The following CYP4F3 variants were observed in gnomAD, a reference collection of about 807,000 sequenced individuals.
CYP4F3 encodes the protein cytochrome P450 family 4 subfamily F member 3.
CYP4F3 carries 50 observed loss-of-function variants against 54.8 expected under a neutral mutation model. That is an observed-to-expected ratio of 0.91 (90% CI 0.73 to 1.16). CYP4F3 has a LOEUF of 1.16. Ranked by LOEUF, CYP4F3 falls within the 50% of genes most tolerant of loss-of-function variation. CYP4F3 has a pLI of 0.00. For missense variants in CYP4F3, 715 were observed against 676.2 expected, an observed-to-expected ratio of 1.06 and a Z score of -0.64; for synonymous variants, 244 against 262.6, an observed-to-expected ratio of 0.93 and a Z score of 0.69.
chr19:15,650,045 C>A lies in CYP4F3; in HGVS notation c.780C>A (p.Cys260Ter), dbSNP rs745317194. ...TPDGQRFRRA[C>*]RLVHDFTDAV... is the part of the protein sequence containing the mutation. ...ATGGGCAGCGTTTCCGCAGGGCCTG[C>A]CGCCTGGTGCACGACTTCACAGATG... Residue 260 changes from cysteine to a stop codon, truncating the protein, a stop_gained, in exon 7 of 13, where the codon TGC becomes TGA. Coordinates refer to ENST00000221307, the MANE Select transcript of CYP4F3 (RefSeq NM_000896.3). LOFTEE classifies it high-confidence loss of function. 3.8e-5 allele frequency: 61 copies of A among 1,614,098 alleles called. No individual in the cohort carries two copies. The Admixed American group carries it at 9.7e-4, about 26-fold the overall frequency.
intron 9 of CYP4F3, among the ~76,000 whole-genome samples, chr19:15,654,665 T>C (rs538001727): frequency 5.3e-5 from 8 of 152,238 alleles, no homozygotes; most frequent in Non-Finnish European, 1.0e-4. Context: ...GTTCCATCCA[T>C]GTTGCCACAA....
Position 15,650,086 on chromosome 19 carries a change from G to A in CYP4F3, c.821G>A (p.Arg274Gln), listed in dbSNP as rs201465938. 2.3e-5 allele frequency: 37 copies of A among 1,614,180 alleles called. 2 individuals are homozygous for A. In the Middle Eastern group the frequency reaches 4.9e-4, roughly 22 times the overall value. ...TTCACAGATGCCGTCATCCAGGAGCGGCGCCGCACCCTCCCTAGCCAGGGT... is the reference window on the plus strand; with the variant it reads ...TTCACAGATGCCGTCATCCAGGAGCAGCGCCGCACCCTCCCTAGCCAGGGT... ...HDFTDAVIQE[R>Q]RRTLPSQGVD... Residue 274 changes from arginine (R) to glutamine (Q), a missense_variant, in exon 7 of 13, where the codon CGG (arginine) becomes CAG (glutamine). Physicochemically the swap from Arg to Gln is conservative, Grantham distance 43. Transcript: ENST00000221307.
intron 8 of CYP4F3, 90 bp downstream of exon 8, chr19:15,652,725 C>G (rs1360793417): frequency 6.2e-7 from 1 of 1,607,502 alleles, no homozygotes; most frequent in Non-Finnish European, 8.5e-7. Context: ...TCCCATCCCC[C>G]TTCCCCCATC....
rs189352066 is a variant in CYP4F3 at position 15,647,908 on chromosome 19, T to C, written c.525+584T>C. On this transcript the variant is annotated intron_variant, in intron 5 of 12. Transcript: ENST00000221307. ...GGAGTCCCATGGTTTACAATACAGA[T>C]AGGGTTCCAGGGAATAAGATGAGGC... Among the ~76,000 whole-genome samples, 110 of 152,256 alleles carry C rather than the reference T, an allele frequency of 7.2e-4. 1 individual carries two copies. The highest frequency in any genetic ancestry group is 3.7e-3 in the Admixed American group (57 of 15,298).
In CYP4F3 at chr19:15,659,342, G is replaced by A; in HGVS notation, c.1520G>A (p.Arg507His). 3.1e-6 allele frequency: 5 copies of A among 1,613,392 alleles called. No homozygotes were observed. Among genetic ancestry groups the A allele is most frequent in the Non-Finnish European group, 4.2e-6 (5 of 1,179,732 alleles). ...EPRRKPELVL[R>H]AEGGLWLRVE... Reference sequence around the variant, plus strand: ...CGCAGGAAGCCGGAGCTGGTCCTGCGCGCAGAGGGCGGACTTTGGCTGCGG... The same window carrying A: ...CGCAGGAAGCCGGAGCTGGTCCTGCACGCAGAGGGCGGACTTTGGCTGCGG... The change falls in exon 13 of 13, where the codon CGC becomes CAC. Residue 507 changes from arginine (R) to histidine (H), a missense_variant. Transcript: ENST00000221307.
chr19:15,649,833 C>T, intron 6 of CYP4F3, 80 bp from the exon 7 acceptor site: 1 of 1,569,030 alleles, frequency 6.4e-7, no homozygotes, highest in Non-Finnish European at 8.7e-7. Context: ...TAGGAGGTAG[C>T]TCCTAGCTGC....
At position 15,649,912 on chromosome 19, in the gene CYP4F3, G is replaced by A. The variant is rs551654869; in HGVS notation, c.648-1G>A. The stretch of plus-strand genomic sequence containing the variant: ...CCTCCCTTTCTGCCCTTATCCTGCA[G>A]GAAGCCCAGTGAATATATTGCCGCC... On this transcript the variant is annotated splice_acceptor_variant, in intron 6 of 12. Transcript: ENST00000221307. LOFTEE classifies it high-confidence loss of function. The A allele has an allele frequency of 2.5e-6, 4 of 1,613,254 alleles. No homozygotes were observed. Among genetic ancestry groups the A allele is most frequent in the African/African-American group, 1.3e-5 (1 of 75,000 alleles).
intron 9 of CYP4F3, among the ~76,000 whole-genome samples, chr19:15,657,196 C>T (rs1161830845): frequency 6.6e-6 from 1 of 152,218 alleles, no homozygotes; most frequent in Non-Finnish European, 1.5e-5. Flanking sequence ...GGACATGAAG[C>T]TGTCAGCACG....
chr19:15,650,751 A>T lies in CYP4F3; in HGVS notation c.918+568A>T, dbSNP rs1312977585. Among the ~76,000 whole-genome samples, 137 of 18,886 alleles carry T rather than the reference A, an allele frequency of 7.3e-3. 12 individuals carry two copies. Among genetic ancestry groups the T allele is most frequent in the African/African-American group, 0.011 (39 of 3,650 alleles). 12.4% of individuals were successfully genotyped at this position (18,886 alleles called of 152,430 possible). On this transcript the variant is annotated intron_variant, in intron 7 of 12. Transcript: ENST00000221307. ...TTCTTTCTTTCTTTTCCTTCCTTCC[A>T]TCTTTCTTTCTTTCTTTTTCTTTCG...
chr19:15,657,032 T>C (rs1041751180), intron 9 of CYP4F3, among the ~76,000 whole-genome samples: 5 of 152,244 alleles, frequency 3.3e-5, no homozygotes, highest in African/African-American at 1.2e-4. Context: ...AGAGTGTCTG[T>C]ACTGATTTAC....
intron 2 of CYP4F3, chr19:15,643,984 G>A (rs749150192): frequency 1.2e-6 from 2 of 1,606,306 alleles, no homozygotes; most frequent in South Asian, 2.2e-5. Context: ...AGGTCTGGAT[G>A]GGCCCCATCT....
intron 9 of CYP4F3, among the ~76,000 whole-genome samples, chr19:15,656,497 CTATCTATCTATCTATCTATCTATCTAT>C (rs1480831635): frequency 0.01 from 772 of 73,822 alleles, 7 homozygotes; most frequent in African/African-American, 0.059. Flanking sequence ...ATCTATCTAT[CTATCTATCTATCTATCTATCTATCTAT>C]TTCTATCATC....
chr19:15,650,387 G>GGTTTTGGAGATAGC, intron 7 of CYP4F3: 1 of 999,080 alleles, frequency 1.0e-6, no homozygotes, highest in Non-Finnish European at 1.5e-6. Context: ...ATTGTGATGA[G>GGTTTTGGAGATAGC]TCTGAGATTT....
chr19:15,658,060 C>T, intron 9 of CYP4F3: 1 of 943,480 alleles, frequency 1.1e-6, no homozygotes, highest in Non-Finnish European at 1.3e-6. Context: ...ATGTCTTTTT[C>T]TGAGCTCTTT....
At position 15,649,930 on chromosome 19, in the gene CYP4F3, T is replaced by C; in HGVS notation, c.665T>C (p.Ile222Thr). 1 of 1,614,010 alleles carries C rather than the reference T, an allele frequency of 6.2e-7. No homozygotes were observed. Among genetic ancestry groups the C allele is most frequent in the Non-Finnish European group, 8.5e-7 (1 of 1,179,892 alleles). The change falls in exon 7 of 13, where the codon ATT becomes ACT. Residue 222 changes from isoleucine to threonine, a missense_variant. Physicochemically the swap from Ile to Thr is moderately conservative, Grantham distance 89. Coordinates refer to ENST00000221307, the MANE Select transcript of CYP4F3 (RefSeq NM_000896.3). ...SHCQEKPSEY[I>T]AAILELSALV... is the part of the protein sequence containing the mutation. ...TCCTGCAGGAAGCCCAGTGAATATA[T>C]TGCCGCCATCTTGGAGCTCAGTGCC... is the stretch of plus-strand genomic sequence containing the variant.
Position 15,645,844 on chromosome 19 carries a change from G to A in CYP4F3, c.324G>A (p.Lys108=). Residue 108 remains lysine, a synonymous_variant, in exon 3 of 13, where the codon AAG becomes AAA. Coordinates refer to ENST00000221307, the MANE Select transcript of CYP4F3 (RefSeq NM_000896.3). The part of the protein sequence containing the change: ...IVRIFHPTYI[K]PVLFAPAAIV... ...GCATCTTCCACCCCACCTACATCAA[G>A]CCTGTGCTCTTTGCTCCAGGTAGAC... 2 of 1,611,436 alleles carry A rather than the reference G, an allele frequency of 1.2e-6. No homozygotes were observed. Among genetic ancestry groups the A allele is most frequent in the Non-Finnish European group, 1.7e-6 (2 of 1,178,438 alleles).
rs143175634 is a variant in CYP4F3, at chr19:15,647,244, C to G, written c.445C>G (p.Arg149Gly). 1.2e-6 allele frequency: 2 copies of G among 1,614,226 alleles called. No individual in the cohort carries two copies. Among genetic ancestry groups the G allele is most frequent in the South Asian group, 1.1e-5 (1 of 91,088 alleles). ...SAGEKWSRHRRMLTPAFHFNI... is the reference protein window; with the variant it reads ...SAGEKWSRHRGMLTPAFHFNI... ...TGGTGAAAAGTGGAGCCGCCACCGT[C>G]GGATGCTGACGCCTGCCTTCCATTT... The change falls in exon 5 of 13, where the codon CGG (arginine) becomes GGG (glycine). Residue 149 changes from arginine (R) to glycine (G), a missense_variant. By Grantham distance (125) the Arg-to-Gly change is moderately radical. Coordinates refer to ENST00000221307, the MANE Select transcript of CYP4F3 (RefSeq NM_000896.3).
At position 15,661,976 on chromosome 19, in the gene CYP4F3, GA is replaced by G. The variant is rs1337741624; in HGVS notation, c.*2595del. ...TCCAATTGTTTCACACAATTTTTTT[GA>G]AAAGAATATCCTTGGCAGGGCACGG... On this transcript the variant is annotated 3_prime_UTR_variant, in exon 13 of 13. Transcript: ENST00000221307. 5 of 151,932 alleles carry G rather than the reference GA, an allele frequency of 3.3e-5. No individual in the cohort carries two copies. The East Asian group carries it at 9.7e-4, about 29-fold the overall frequency. 9.4% of individuals were successfully genotyped at this position (151,932 alleles called of 1,614,324 possible).
At chr19:15,650,211 G>A in intron 7 of CYP4F3, 28 bp downstream of exon 7, 1 of 1,614,172 alleles carries the variant, frequency 6.2e-7, no homozygotes, top group Non-Finnish European at 8.5e-7. Flanking sequence ...CTGAATTCAA[G>A]AAGTAGAAGG....
Sources: gnomAD v4.1 joint callset for allele counts (sites outside exome capture counted in the v4.1 genomes callset) on GRCh38, gnomAD v4.1.1 for gene constraint, MANE v1.5 for transcripts, NCBI Gene and HGNC (gene_info 2026-07-23, HGNC 2026-07-21) for gene names.